RIMS1: variants seen among roughly 807,000 people sequenced by gnomAD.
The protein encoded by RIMS1 is regulating synaptic membrane exocytosis 1, also known as regulating synaptic membrane exocytosis protein 1.
Under a neutral mutation model 214.1 loss-of-function variants are expected in RIMS1, and 83 were observed. That is an observed-to-expected ratio of 0.39 (90% CI 0.32 to 0.47). The LOEUF is 0.47. Among genes scored for constraint, RIMS1 ranks in the 20% least tolerant of loss-of-function variants. The probability of loss-of-function intolerance (pLI) is 0.99; values close to 1 mark genes in which losing one functional copy is unlikely to be tolerated. For missense variants in RIMS1, 2,050 were observed against 2,161.8 expected, an observed-to-expected ratio of 0.95 and a Z score of 1.03; for synonymous variants, 793 against 786.8, an observed-to-expected ratio of 1.01 and a Z score of -0.13.
chr6:72,169,840 G>A (rs1180517473), intron 4 of RIMS1, among the ~76,000 whole-genome samples: 3 of 152,204 alleles, frequency 2.0e-5, no homozygotes, highest in African/African-American at 7.2e-5. Flanking sequence ...AAGCCAAGGA[G>A]GTTGAGGCTG....
intron 6 of RIMS1, among the ~76,000 whole-genome samples, chr6:72,191,556 T>A (rs2050078748): frequency 6.6e-6 from 1 of 152,210 alleles, no homozygotes; most frequent in Non-Finnish European, 1.5e-5. Context: ...AGAACAAGAT[T>A]ATGACACAAA....
intron 4 of RIMS1, among the ~76,000 whole-genome samples, chr6:72,177,642 G>C (rs1414201410): frequency 1.3e-5 from 2 of 152,180 alleles, no homozygotes; most frequent in African/African-American, 4.8e-5. Context: ...ATGTAAAATA[G>C]TCAAAATTTC....
At chr6:72,072,982 A>C (rs921455851) in intron 2 of RIMS1, among the ~76,000 whole-genome samples, 1 of 152,224 alleles carries the variant, frequency 6.6e-6, no homozygotes, top group South Asian at 2.1e-4. Flanking sequence ...CTGGTTCTCC[A>C]AGAAAAATAA....
At chr6:72,134,619 C>A (rs1030499572) in intron 4 of RIMS1, among the ~76,000 whole-genome samples, 2 of 152,130 alleles carry the variant, frequency 1.3e-5, no homozygotes, top group Admixed American at 1.3e-4. Flanking sequence ...CAATAATATT[C>A]TCTACTTAGT....
intron 30 of RIMS1, chr6:72,390,972 T>C: frequency 2.6e-6 from 1 of 391,856 alleles, no homozygotes. Context: ...AACAAATTGA[T>C]TTCTTGCATC....
At chr6:72,393,897 A>G (rs2098741034) in intron 31 of RIMS1, among the ~76,000 whole-genome samples, 1 of 152,154 alleles carries the variant, frequency 6.6e-6, no homozygotes, top group South Asian at 2.1e-4. Flanking sequence ...TTTTGAGGCT[A>G]CAGTAGGTAC....
rs369413977 is a variant in RIMS1, at chr6:71,891,881, T to C, written c.164+4694T>C. Among the ~76,000 whole-genome samples the C allele has an allele frequency of 5.4e-4, 82 of 152,366 alleles. 2 individuals carry two copies. The South Asian group carries it at 0.017, about 31-fold the overall frequency. On this transcript the variant is annotated intron_variant, in intron 1 of 33. Transcript: ENST00000521978. ...TTGTAAACTTGTGCAGTGAGCTTCC[T>C]GGAAAGATATCAAATATGAATTCCT...
Position 72,399,170 on chromosome 6 carries a change from AAG to A in RIMS1, c.4860+80_4860+81del, listed in dbSNP as rs67994138. 253,876 of 1,233,226 alleles carry A rather than the reference AAG, an allele frequency of 0.21. 28,556 individuals are homozygous for A. Among genetic ancestry groups the A allele is most frequent in the Non-Finnish European group, 0.22 (204,909 of 916,540 alleles). The allele number at this position is 1,233,226 out of a possible 1,614,324, so 76.4% of individuals were successfully genotyped here. The stretch of plus-strand genomic sequence containing the variant: ...TACATCGAAGAGATGGTCAAACACA[AAG>A]AGAATAAAATTTGGTAAAGATAAAT... On this transcript the variant is annotated intron_variant, in intron 33 of 33. Coordinates refer to ENST00000521978, the MANE Select transcript of RIMS1 (RefSeq NM_014989.7).
At chr6:72,010,544 C>G (rs1050191347) in intron 2 of RIMS1, among the ~76,000 whole-genome samples, 5 of 152,170 alleles carry the variant, frequency 3.3e-5, no homozygotes, top group Non-Finnish European at 5.9e-5. Flanking sequence ...CAAATTGTCC[C>G]TGTTTGCAGA....
At chr6:71,913,617 C>T (rs1194407415) in intron 1 of RIMS1, among the ~76,000 whole-genome samples, 1 of 152,020 alleles carries the variant, frequency 6.6e-6, no homozygotes, top group Non-Finnish European at 1.5e-5. Context: ...TTAGAAATGA[C>T]TCAAGATCTC....
chr6:72,250,874 G>A, intron 13 of RIMS1, 47 bp from the exon 14 acceptor site: 1 of 1,065,542 alleles, frequency 9.4e-7, no homozygotes, highest in Non-Finnish European at 1.3e-6. Flanking sequence ...ACAGTAGATG[G>A]CAGCATGTAC....
chr6:71,917,511 T>G (rs1477264991), intron 1 of RIMS1, among the ~76,000 whole-genome samples: 1 of 152,090 alleles, frequency 6.6e-6, no homozygotes, highest in African/African-American at 2.4e-5. Context: ...AGAAGTTCCA[T>G]GAGCCAGGGA....
chr6:72,197,892 C>T (rs1316200513), intron 6 of RIMS1, among the ~76,000 whole-genome samples: 1 of 151,722 alleles, frequency 6.6e-6, no homozygotes, highest in Non-Finnish European at 1.5e-5. Context: ...ATTAAAGATG[C>T]CAAGGAAAAG....
intron 2 of RIMS1, among the ~76,000 whole-genome samples, chr6:71,981,330 C>T (rs1409787891): frequency 6.6e-6 from 1 of 152,082 alleles, no homozygotes; most frequent in Non-Finnish European, 1.5e-5. Flanking sequence ...TTCATTTACC[C>T]ACTAATAATC....
chr6:72,005,600 A>C (rs1215061217), intron 2 of RIMS1, among the ~76,000 whole-genome samples: 3 of 152,178 alleles, frequency 2.0e-5, no homozygotes, highest in Non-Finnish European at 4.4e-5. Flanking sequence ...ATAGACTAAA[A>C]CCATAATCAG....
chr6:72,109,473 G>T (rs1319103454), intron 4 of RIMS1, among the ~76,000 whole-genome samples: 2 of 152,104 alleles, frequency 1.3e-5, no homozygotes, highest in Non-Finnish European at 2.9e-5. Context: ...ATTTTTTCAT[G>T]TGTTTTTTGG....
intron 1 of RIMS1, among the ~76,000 whole-genome samples, chr6:71,963,762 A>G (rs550227010): frequency 6.6e-6 from 1 of 152,294 alleles, no homozygotes; most frequent in Non-Finnish European, 1.5e-5. Context: ...TATTTTATAA[A>G]TATTTTATAG....
At chr6:71,976,273 T>C (rs1797112503) in intron 2 of RIMS1, among the ~76,000 whole-genome samples, 1 of 152,162 alleles carries the variant, frequency 6.6e-6, no homozygotes, top group Non-Finnish European at 1.5e-5. Context: ...AGTGTCTTAC[T>C]GTGGTTTTCA....
chr6:72,222,646 A>G (rs981584816), intron 6 of RIMS1, among the ~76,000 whole-genome samples: 7 of 152,054 alleles, frequency 4.6e-5, no homozygotes, highest in African/African-American at 1.7e-4. Flanking sequence ...CAACCAGCTT[A>G]TTGTTATGAT....
Sources: gnomAD v4.1 joint callset for allele counts (sites outside exome capture counted in the v4.1 genomes callset) on GRCh38, gnomAD v4.1.1 for gene constraint, MANE v1.5 for transcripts, NCBI Gene and HGNC (gene_info 2026-07-23, HGNC 2026-07-21) for gene names.